The following MAP2K5 variants were observed in gnomAD, a reference collection of about 807,000 sequenced individuals.
MAP2K5 encodes the protein dual specificity mitogen-activated protein kinase kinase 5.
A neutral mutation model predicts 83.1 loss-of-function variants in MAP2K5; 49 were observed. The observed-to-expected ratio is 0.59, with a 90% confidence interval of 0.47 to 0.75. The LOEUF (loss-of-function observed/expected upper bound fraction) is 0.75, where lower values mean the gene tolerates loss of function less well. Ranked by LOEUF, MAP2K5 falls within the 30% of genes least tolerant of loss-of-function variation. The pLI is 0.00. For synonymous variants in MAP2K5, 202 were observed against 191.8 expected, an observed-to-expected ratio of 1.05 and a Z score of -0.44; for missense variants, 457 against 557.5, an observed-to-expected ratio of 0.82 and a Z score of 1.82.
At chr15:67,583,224 A>T (rs2085219176) in intron 4 of MAP2K5, among the ~76,000 whole-genome samples, 1 of 152,322 alleles carries the variant, frequency 6.6e-6, no homozygotes, top group East Asian at 1.9e-4. Flanking sequence ...TTATAATATG[A>T]TTAAAATGGA....
At chr15:67,631,438 C>T (rs1475923400) in intron 9 of MAP2K5, among the ~76,000 whole-genome samples, 1 of 152,178 alleles carries the variant, frequency 6.6e-6, no homozygotes, top group Non-Finnish European at 1.5e-5. Context: ...TTTTCCTATG[C>T]ACCTTTTACT....
chr15:67,669,547 G>A (rs1057268464), intron 13 of MAP2K5, among the ~76,000 whole-genome samples: 13 of 152,254 alleles, frequency 8.5e-5, no homozygotes, highest in African/African-American at 2.6e-4. Flanking sequence ...GGAGACAAGA[G>A]TAGAATCAGC....
rs1161716642 is a variant in MAP2K5 at position 67,801,073 on chromosome 15, C to T, written c.1243-5573C>T. Among the ~76,000 whole-genome samples the T allele has an allele frequency of 6.6e-6, 1 of 152,230 alleles. No individual in the cohort carries two copies. Among genetic ancestry groups the T allele is most frequent in the African/African-American group, 2.4e-5 (1 of 41,456 alleles). On this transcript the variant is annotated intron_variant, in intron 21 of 21. Transcript: ENST00000178640. The surrounding 1 kb of genome is among the most constrained non-coding windows in gnomAD (Gnocchi z 4.8). ...GCTGCAGAGCCCCCAAAGCACCTCACACCCTATGGCTCCGCTGGACTGTGA... is the reference window on the plus strand; with the variant it reads ...GCTGCAGAGCCCCCAAAGCACCTCATACCCTATGGCTCCGCTGGACTGTGA...
chr15:67,640,536 A>C lies in MAP2K5; in HGVS notation c.586-5695A>C. 1.0e-6 allele frequency: 1 copy of C among 977,016 alleles called. No individual in the cohort carries two copies. Among genetic ancestry groups the C allele is most frequent in the Non-Finnish European group, 1.2e-6 (1 of 822,242 alleles). The allele number at this position is 977,016 out of a possible 1,614,324, so 60.5% of individuals were successfully genotyped here. A position where few individuals can be genotyped will look rare whatever the true frequency, so the allele number is the denominator to read the frequency against. On this transcript the variant is annotated intron_variant, in intron 9 of 21. Coordinates refer to ENST00000178640, the MANE Select transcript of MAP2K5 (RefSeq NM_145160.3). This position sits in a 1 kb window ranked among gnomAD's most constrained non-coding sequence, Gnocchi z 4.6. Reference sequence around the variant, plus strand: ...TCACAGAGGATTGTGAAGAGCAGCAAATCACAGTCCTTGTCCAAACTGAAT... The same window carrying C: ...TCACAGAGGATTGTGAAGAGCAGCACATCACAGTCCTTGTCCAAACTGAAT...
At chr15:67,568,930 C>T (rs993758798) in intron 3 of MAP2K5, among the ~76,000 whole-genome samples, 7 of 147,960 alleles carry the variant, frequency 4.7e-5, no homozygotes, top group East Asian at 2.0e-4. Flanking sequence ...TGCTTGAACC[C>T]GGGAGGCAGA....
At chr15:67,697,497 A>G (rs549223113) in intron 15 of MAP2K5, among the ~76,000 whole-genome samples, 11 of 152,306 alleles carry the variant, frequency 7.2e-5, no homozygotes, top group South Asian at 2.1e-4. Context: ...TGTGCCTCTC[A>G]TTATACCCAT....
chr15:67,549,005 C>T (rs1448206989), intron 1 of MAP2K5: 13 of 1,416,574 alleles, frequency 9.2e-6, no homozygotes, highest in Non-Finnish European at 1.2e-5. Flanking sequence ...AAGGAAGTTG[C>T]AGCCACTCTG....
At chr15:67,613,820 T>G (rs934550377) in intron 8 of MAP2K5, among the ~76,000 whole-genome samples, 1 of 151,984 alleles carries the variant, frequency 6.6e-6, no homozygotes, top group Admixed American at 6.6e-5. Flanking sequence ...GGGGACATAT[T>G]ACATCTGATA....
At chr15:67,634,620 A>C (rs1015952898) in intron 9 of MAP2K5, among the ~76,000 whole-genome samples, 1 of 152,034 alleles carries the variant, frequency 6.6e-6, no homozygotes, top group East Asian at 1.9e-4. Context: ...TCTTAGGTGC[A>C]TTTATGTTTG....
In MAP2K5 at chr15:67,644,393, C is replaced by CTAAA. The variant is rs536126191; in HGVS notation, c.586-1817_586-1814dup. ...TGGGTGACAGGGCAGGACTCCATCTCTAAATAAATAAATAAATAAATAAAA... is the reference window on the plus strand; with the variant it reads ...TGGGTGACAGGGCAGGACTCCATCTCTAAATAAATAAATAAATAAATAAATAAAA... On this transcript the variant is annotated intron_variant, in intron 9 of 21. Transcript: ENST00000178640. This position sits in a 1 kb window ranked among gnomAD's most constrained non-coding sequence, Gnocchi z 4.6. Among the ~76,000 whole-genome samples, 1,284 of 151,912 alleles carry CTAAA rather than the reference C, an allele frequency of 8.5e-3. 15 individuals are homozygous for CTAAA. Among genetic ancestry groups the CTAAA allele is most frequent in the African/African-American group, 0.028 (1,170 of 41,386 alleles).
At chr15:67,791,935 A>G (rs1447421792) in intron 21 of MAP2K5, among the ~76,000 whole-genome samples, 2 of 152,222 alleles carry the variant, frequency 1.3e-5, no homozygotes, top group Non-Finnish European at 2.9e-5. Context: ...CATGGCTGCA[A>G]CAAAGACTTA....
rs1263911250 is a variant in MAP2K5 at position 67,631,422 on chromosome 15, C to CT, written c.585+499dup. On this transcript the variant is annotated intron_variant, in intron 9 of 21. Transcript: ENST00000178640. ...ATAACTTCCTCACTGTACTTTCGGTCTTTTCTTTTCCTATGCACCTTTTAC... is the reference window on the plus strand; with the variant it reads ...ATAACTTCCTCACTGTACTTTCGGTCTTTTTCTTTTCCTATGCACCTTTTAC... Among the ~76,000 whole-genome samples the CT allele has an allele frequency of 3.3e-5, 5 of 152,294 alleles. No individual in the cohort carries two copies. In the East Asian group the frequency reaches 7.7e-4, roughly 24 times the overall value.
intron 8 of MAP2K5, chr15:67,629,231 G>A (rs1323098951): frequency 4.3e-5 from 27 of 623,440 alleles, no homozygotes; most frequent in African/African-American, 9.0e-5. Context: ...AGCCAAGCAC[G>A]GTGGTGGCAG....
At chr15:67,660,894 A>C (rs1210400629) in intron 12 of MAP2K5, among the ~76,000 whole-genome samples, 1 of 150,542 alleles carries the variant, frequency 6.6e-6, no homozygotes, top group Non-Finnish European at 1.5e-5. Flanking sequence ...TAGAGGCAGG[A>C]GTGGAAGAAA....
chr15:67,572,705 T>A lies in MAP2K5; in HGVS notation c.253-8049T>A, dbSNP rs2084972782. ...TTGCAAGAATTGATATTATTATTAT[T>A]ATTTTTTTTTTTGAGATGGAGTCTT... On this transcript the variant is annotated intron_variant, in intron 3 of 21. Transcript: ENST00000178640. The surrounding 1 kb of genome is among the most constrained non-coding windows in gnomAD (Gnocchi z 4.2). 8.0e-6 allele frequency among the ~76,000 whole-genome samples: 1 copy of A among 124,424 alleles called. No individual in the cohort carries two copies. Among genetic ancestry groups the A allele is most frequent in the African/African-American group, 2.7e-5 (1 of 37,092 alleles). The allele number at this position is 124,424 out of a possible 152,430, so 81.6% of individuals were successfully genotyped here.
chr15:67,798,403 G>A (rs1366060070), intron 21 of MAP2K5, among the ~76,000 whole-genome samples: 3 of 152,128 alleles, frequency 2.0e-5, no homozygotes, highest in South Asian at 2.1e-4. Flanking sequence ...AGCTTCCTCC[G>A]ACAAACTCAT....
chr15:67,682,414 A>T (rs1372116333), intron 13 of MAP2K5, among the ~76,000 whole-genome samples: 1 of 151,940 alleles, frequency 6.6e-6, no homozygotes, highest in Non-Finnish European at 1.5e-5. Context: ...TAGTAAAGAC[A>T]GGGTTTTGCC....
At position 67,750,617 on chromosome 15, in the gene MAP2K5, C is replaced by T. The variant is rs1014928071; in HGVS notation, c.1134+2016C>T. Among the ~76,000 whole-genome samples, 1 of 152,140 alleles carries T rather than the reference C, an allele frequency of 6.6e-6. No homozygotes were observed. Among genetic ancestry groups the T allele is most frequent in the Non-Finnish European group, 1.5e-5 (1 of 68,012 alleles). On this transcript the variant is annotated intron_variant, in intron 19 of 21. Coordinates refer to ENST00000178640, the MANE Select transcript of MAP2K5 (RefSeq NM_145160.3). This position sits in a 1 kb window ranked among gnomAD's most constrained non-coding sequence, Gnocchi z 4.2. ...TCGCTGAATTAGACTTTCTAGGGAT[C>T]GTGCCTAGAATCTACTAGTTTCTCG...
Position 67,739,576 on chromosome 15 carries a change from G to A in MAP2K5, c.1075-8655G>A, listed in dbSNP as rs2089447002. Among the ~76,000 whole-genome samples the A allele has an allele frequency of 2.1e-5, 3 of 143,566 alleles. No individual in the cohort carries two copies. The South Asian group carries it at 6.9e-4, about 33-fold the overall frequency. The allele number at this position is 143,566 out of a possible 152,430, so 94.2% of individuals were successfully genotyped here. The stretch of plus-strand genomic sequence containing the variant: ...GCTCACTGCAACCTCCTCCTCCCGG[G>A]TTGAAGCAATTCTCCTGCCTCAGCC... On this transcript the variant is annotated intron_variant, in intron 17 of 21. Coordinates refer to ENST00000178640, the MANE Select transcript of MAP2K5 (RefSeq NM_145160.3).
Sources: allele counts gnomAD v4.1 joint callset (sites outside exome capture counted in the v4.1 genomes callset), GRCh38; gene constraint gnomAD v4.1.1; non-coding constraint Gnocchi (gnomAD v3.1); transcripts MANE v1.5; gene names NCBI Gene and HGNC (gene_info 2026-07-23, HGNC 2026-07-21).